CCSER1: variants seen among roughly 807,000 people sequenced by gnomAD.
CCSER1 encodes coiled-coil serine rich protein 1.
In CCSER1, 41 loss-of-function variants were observed where a neutral mutation model predicts 82.0. The ratio of observed to expected loss-of-function variants is 0.50; its 90% CI spans 0.39 to 0.65. CCSER1 has a LOEUF of 0.65. CCSER1 is among the 30% of genes least tolerant of loss of function. The pLI is 0.00. For synonymous variants in CCSER1, 414 were observed against 383.9 expected (o/e 1.08, Z -0.92); for missense variants, 1,119 against 1,064.2 (o/e 1.05, Z -0.72).
At chr4:91,421,383 C>A (rs1327922675) in intron 10 of CCSER1, among the ~76,000 whole-genome samples, 1 of 152,144 alleles carries the variant, frequency 6.6e-6, no homozygotes, top group East Asian at 1.9e-4. Flanking sequence ...GCCTGAGAAC[C>A]TTGTGGAGTC....
chr4:91,050,850 T>G (rs1742948267), intron 9 of CCSER1, among the ~76,000 whole-genome samples: 1 of 152,200 alleles, frequency 6.6e-6, no homozygotes, highest in Non-Finnish European at 1.5e-5. Flanking sequence ...TCAAGTTTCT[T>G]TGCCTAATTT....
At chr4:91,474,453 T>A (rs1293734585) in intron 10 of CCSER1, among the ~76,000 whole-genome samples, 1 of 151,744 alleles carries the variant, frequency 6.6e-6, no homozygotes, top group Non-Finnish European at 1.5e-5. Flanking sequence ...ATTTTACAGT[T>A]GATAAATCTT....
intron 6 of CCSER1, among the ~76,000 whole-genome samples, chr4:90,711,721 A>ATTT (rs112790209): frequency 0.052 from 7,367 of 141,916 alleles, 424 homozygotes; most frequent in African/African-American, 0.15. Flanking sequence ...GTCCTGCTGG[A>ATTT]TTTTTTTTTT....
At chr4:90,312,413 G>A (rs904340830) in intron 2 of CCSER1, among the ~76,000 whole-genome samples, 1 of 152,186 alleles carries the variant, frequency 6.6e-6, no homozygotes, top group African/African-American at 2.4e-5. Context: ...GAGTGGTGGT[G>A]ATGGCCCTCA....
intron 1 of CCSER1, among the ~76,000 whole-genome samples, chr4:90,248,792 G>A (rs185486640): frequency 1.3e-5 from 2 of 151,638 alleles, no homozygotes; most frequent in African/African-American, 4.8e-5. Context: ...CGACCTTCTA[G>A]GCTTAAGCGA....
chr4:91,502,228 G>A (rs1479847717), intron 10 of CCSER1, among the ~76,000 whole-genome samples: 3 of 152,126 alleles, frequency 2.0e-5, no homozygotes, highest in Non-Finnish European at 2.9e-5. Context: ...TTATTAAAGA[G>A]AGGAGAAAGT....
At chr4:91,530,698 T>G (rs958592132) in intron 10 of CCSER1, among the ~76,000 whole-genome samples, 24 of 151,380 alleles carry the variant, frequency 1.6e-4, no homozygotes, top group African/African-American at 5.6e-4. Flanking sequence ...TTTTTTTTTT[T>G]TTGAGACAGA....
At chr4:90,363,656 G>A (rs1745782378) in intron 3 of CCSER1, among the ~76,000 whole-genome samples, 1 of 151,992 alleles carries the variant, frequency 6.6e-6, no homozygotes, top group Non-Finnish European at 1.5e-5. Flanking sequence ...ACCTTCCAAA[G>A]AAGCTAAAGA....
chr4:90,267,930 G>T (rs1725534892), intron 1 of CCSER1, among the ~76,000 whole-genome samples: 1 of 152,132 alleles, frequency 6.6e-6, no homozygotes, highest in African/African-American at 2.4e-5. Context: ...CTACAATGGA[G>T]TTCTAGTACA....
intron 10 of CCSER1, among the ~76,000 whole-genome samples, chr4:91,208,762 A>G (rs1037464324): frequency 6.6e-6 from 1 of 152,006 alleles, no homozygotes; most frequent in African/African-American, 2.4e-5. Context: ...GAAGAATGGT[A>G]GTTTGATAGG....
intron 9 of CCSER1, among the ~76,000 whole-genome samples, chr4:91,060,205 T>C (rs998609946): frequency 6.6e-6 from 1 of 152,094 alleles, no homozygotes. Context: ...ATTATTATGA[T>C]GTTAAAACTG....
chr4:90,591,892 G>GAT (rs1250060411), intron 5 of CCSER1, among the ~76,000 whole-genome samples: 1 of 152,120 alleles, frequency 6.6e-6, no homozygotes, highest in African/African-American at 2.4e-5. Flanking sequence ...CATGGACATG[G>GAT]ATGAAGCTGG....
At chr4:91,513,462 T>A (rs556159910) in intron 10 of CCSER1, among the ~76,000 whole-genome samples, 1 of 152,308 alleles carries the variant, frequency 6.6e-6, no homozygotes, top group African/African-American at 2.4e-5. Context: ...GATATCATAG[T>A]GATGCTGGCT....
chr4:91,266,152 G>T (rs1434084653), intron 10 of CCSER1, among the ~76,000 whole-genome samples: 1 of 152,058 alleles, frequency 6.6e-6, no homozygotes, highest in African/African-American at 2.4e-5. Context: ...ATGAGATTTG[G>T]GTGGGGACAC....
intron 9 of CCSER1, among the ~76,000 whole-genome samples, chr4:90,964,508 G>A (rs146423690): frequency 0.19 from 28,987 of 151,190 alleles, 3,424 homozygotes; most frequent in Non-Finnish European, 0.26. Flanking sequence ...GGCAGATCAC[G>A]AGGTCAGGAG....
chr4:90,780,935 A>G (rs1180347177), intron 7 of CCSER1: 5 of 363,760 alleles, frequency 1.4e-5, no homozygotes, highest in Non-Finnish European at 1.9e-5. Context: ...CTGTACAGGA[A>G]GCATAGTAGC....
At chr4:90,825,842 G>A (rs1324764819) in intron 8 of CCSER1, among the ~76,000 whole-genome samples, 1 of 149,482 alleles carries the variant, frequency 6.7e-6, no homozygotes, top group African/African-American at 2.5e-5. Flanking sequence ...CGATTCTCCT[G>A]CCTCAGCCTC....
Position 91,357,244 on chromosome 4 carries a change from T to G in CCSER1, c.2218-241328T>G, listed in dbSNP as rs565006573. On this transcript the variant is annotated intron_variant, in intron 10 of 10. Transcript: ENST00000509176. Reference sequence around the variant, plus strand: ...TGATTTTTATGCCAGATAAGTTAAATTTTACCTTTATATTAGTGTGTTATT... The same window carrying G: ...TGATTTTTATGCCAGATAAGTTAAAGTTTACCTTTATATTAGTGTGTTATT... Among the ~76,000 whole-genome samples, 99 of 152,324 alleles carry G rather than the reference T, an allele frequency of 6.5e-4. 1 individual carries two copies. Among genetic ancestry groups the G allele is most frequent in the Admixed American group, 1.6e-3 (24 of 15,296 alleles).
At chr4:90,698,743 G>A (rs1206448076) in intron 6 of CCSER1, among the ~76,000 whole-genome samples, 1 of 152,102 alleles carries the variant, frequency 6.6e-6, no homozygotes, top group Non-Finnish European at 1.5e-5. Flanking sequence ...GTTAATAGGA[G>A]GAAAGTTTAT....
Sources: allele counts gnomAD v4.1 joint callset (sites outside exome capture counted in the v4.1 genomes callset), GRCh38; gene constraint gnomAD v4.1.1; transcripts MANE v1.5; gene names NCBI Gene and HGNC (gene_info 2026-07-23, HGNC 2026-07-21).